ZNF143: variants seen among roughly 807,000 people sequenced by gnomAD.
ZNF143 encodes SPH-binding factor.
A neutral mutation model predicts 74.1 loss-of-function variants in ZNF143; 49 were observed. The observed-to-expected ratio is 0.66, with a 90% CI of 0.53 to 0.84. ZNF143 has a LOEUF of 0.84. ZNF143 is among the 40% of genes least tolerant of loss of function. ZNF143 has a pLI of 0.00. For missense variants in ZNF143, 637 were observed against 793.4 expected (o/e 0.80, Z 2.37); for synonymous variants, 304 against 282.8 (o/e 1.07, Z -0.75).
intron 1 of ZNF143, among the ~76,000 whole-genome samples, chr11:9,467,939 C>T (rs1856346279): frequency 2.0e-5 from 3 of 151,604 alleles, no homozygotes; most frequent in Admixed American, 1.3e-4. Flanking sequence ...ACCTATGTCA[C>T]GATGAGCAAT....
chr11:9,509,419 T>C (rs576589324), intron 12 of ZNF143, among the ~76,000 whole-genome samples: 1 of 152,320 alleles, frequency 6.6e-6, no homozygotes, highest in South Asian at 2.1e-4. Context: ...GAGACAAAAT[T>C]ATTTGTTTCA....
At chr11:9,492,134 G>A (rs1265784788) in intron 7 of ZNF143, among the ~76,000 whole-genome samples, 7 of 125,122 alleles carry the variant, frequency 5.6e-5, no homozygotes, top group Non-Finnish European at 1.2e-4. Context: ...TTTTTGAGAC[G>A]GAGTCTTGCT....
intron 5 of ZNF143, among the ~76,000 whole-genome samples, chr11:9,475,765 T>A (rs1160102891): frequency 6.6e-6 from 1 of 152,060 alleles, no homozygotes; most frequent in Non-Finnish European, 1.5e-5. Context: ...GTTGTGGTAG[T>A]GCATGCCTTC....
intron 14 of ZNF143, among the ~76,000 whole-genome samples, chr11:9,521,708 T>C (rs1235441493): frequency 2.6e-5 from 4 of 152,174 alleles, no homozygotes; most frequent in Admixed American, 2.6e-4. Context: ...CTGTTTCATC[T>C]AAGTTTTCAT....
intron 9 of ZNF143, 71 bp from the exon 10 acceptor site, chr11:9,497,604 G>C (rs1848007181): frequency 1.7e-6 from 2 of 1,204,350 alleles, no homozygotes; most frequent in East Asian, 5.1e-5. Context: ...ATATTTTTCA[G>C]TAGCTTATTC....
chr11:9,480,885 C>CAAA (rs34087710), intron 7 of ZNF143, among the ~76,000 whole-genome samples: 28 of 105,092 alleles, frequency 2.7e-4, no homozygotes, highest in African/African-American at 9.3e-4. Flanking sequence ...GAAACTGTCT[C>CAAA]AAAAAAAAAA....
chr11:9,525,486 G>A (rs771295384), intron 15 of ZNF143, 100 bp downstream of exon 15: 3 of 1,490,444 alleles, frequency 2.0e-6, no homozygotes, highest in Admixed American at 1.7e-5. Context: ...AGGAGGCAAG[G>A]TGTAGAATAA....
At chr11:9,470,993 C>G (rs1302494237) in intron 1 of ZNF143, 1 of 157,480 alleles carries the variant, frequency 6.4e-6, no homozygotes, top group Non-Finnish European at 1.4e-5. Context: ...CTCAGCAATG[C>G]TAAACCCAAA....
At chr11:9,522,322 C>T (rs1199929884) in intron 14 of ZNF143, among the ~76,000 whole-genome samples, 4 of 151,782 alleles carry the variant, frequency 2.6e-5, no homozygotes. Context: ...AACTCCTGGG[C>T]TTCAGGGATC....
At chr11:9,500,834 C>G (rs569619707) in intron 10 of ZNF143, among the ~76,000 whole-genome samples, 14 of 151,762 alleles carry the variant, frequency 9.2e-5, no homozygotes, top group African/African-American at 2.9e-4. Context: ...CATTTTTTGC[C>G]TACCTGGATG....
chr11:9,522,151 G>C (rs1272589336), intron 14 of ZNF143, among the ~76,000 whole-genome samples: 1 of 151,860 alleles, frequency 6.6e-6, no homozygotes, highest in Non-Finnish European at 1.5e-5. Context: ...GAAAAAAAAG[G>C]TTTAAATTGA....
chr11:9,527,633 A>G lies in ZNF143; in HGVS notation c.*20A>G, dbSNP rs371872252. The G allele has an allele frequency of 2.9e-5, 47 of 1,608,440 alleles. No homozygotes were observed. In the African/African-American group the frequency reaches 6.0e-4, roughly 21 times the overall value. On this transcript the variant is annotated 3_prime_UTR_variant, in exon 16 of 16. Coordinates refer to ENST00000396602, the MANE Select transcript of ZNF143 (RefSeq NM_003442.6). ...GATTAATCCTCAGAACAATGGAGCA[A>G]TAAAGCAGAAGGAGTCTTTCATCTT...
intron 7 of ZNF143, among the ~76,000 whole-genome samples, chr11:9,484,061 A>G (rs562055312): frequency 1.7e-4 from 26 of 151,090 alleles, no homozygotes; most frequent in Admixed American, 7.9e-4. Flanking sequence ...TAAATTTTTA[A>G]TCACATATGT....
intron 7 of ZNF143, among the ~76,000 whole-genome samples, chr11:9,479,793 C>CCAAGGCAGTTTTCTGGA (rs1847166192): frequency 1.3e-5 from 2 of 152,174 alleles, no homozygotes; most frequent in Non-Finnish European, 2.9e-5. Flanking sequence ...GTGCTGGATT[C>CCAAGGCAGTTTTCTGGA]CAAGGCAGTT....
At chr11:9,487,596 A>G (rs1179751861) in intron 7 of ZNF143, among the ~76,000 whole-genome samples, 1 of 152,072 alleles carries the variant, frequency 6.6e-6, no homozygotes, top group Non-Finnish European at 1.5e-5. Flanking sequence ...TGACCTCATG[A>G]TCCGCCTGCC....
chr11:9,523,940 C>T lies in ZNF143; in HGVS notation c.1687-1300C>T, dbSNP rs570566968. On this transcript the variant is annotated intron_variant, in intron 14 of 15. Transcript: ENST00000396602. ...CCGCATGCCTGTAATCCCAGCTACT[C>T]GGGAGGCTGAGGCAGAAGAATCGCT... Among the ~76,000 whole-genome samples the T allele has an allele frequency of 1.1e-4, 16 of 148,860 alleles. No individual in the cohort carries two copies. In the South Asian group the frequency reaches 3.2e-3, roughly 30 times the overall value.
At chr11:9,471,226 G>C in intron 1 of ZNF143, 76 bp from the exon 2 acceptor site, 1 of 1,243,790 alleles carries the variant, frequency 8.0e-7, no homozygotes, top group Non-Finnish European at 1.1e-6. Flanking sequence ...GCTTTTTGTG[G>C]TTCATAAATA....
rs1483772026 is a variant in ZNF143, at chr11:9,528,177, A to T, written c.*564A>T. On this transcript the variant is annotated 3_prime_UTR_variant, in exon 16 of 16. Transcript: ENST00000396602. ...TTATAGTTTCCCATCCCTGTTAAAA[A>T]CCAGCTCTTCAAGCTGAAATGCTAA... 3 of 152,596 alleles carry T rather than the reference A, an allele frequency of 2.0e-5. No individual in the cohort carries two copies. The highest frequency in any genetic ancestry group is 2.9e-5 in the Non-Finnish European group (2 of 68,042). 9.5% of individuals were successfully genotyped at this position (152,596 alleles called of 1,614,324 possible). A position where few individuals can be genotyped will look rare whatever the true frequency, so the allele number is the denominator to read the frequency against.
chr11:9,491,867 C>T (rs767983559), intron 7 of ZNF143, among the ~76,000 whole-genome samples: 7 of 152,140 alleles, frequency 4.6e-5, no homozygotes, highest in South Asian at 2.1e-4. Flanking sequence ...TGATCTCAAA[C>T]GATCTGCCTT....
Sources: allele counts gnomAD v4.1 joint callset (sites outside exome capture counted in the v4.1 genomes callset), GRCh38; gene constraint gnomAD v4.1.1; transcripts MANE v1.5; gene names NCBI Gene and HGNC (gene_info 2026-07-23, HGNC 2026-07-21).